Variants in TSHZ1 observed in about 807,000 individuals in gnomAD.
TSHZ1 encodes the protein teashirt zinc finger homeobox 1, also known as teashirt homolog 1.
A neutral mutation model predicts 67.1 loss-of-function variants in TSHZ1; 12 were observed. The ratio of observed to expected loss-of-function variants is 0.18; its 90% CI spans 0.11 to 0.29. The LOEUF is 0.29. Ranked by LOEUF, TSHZ1 falls within the 10% of genes least tolerant of loss-of-function variation. The pLI, the probability that TSHZ1 is intolerant of heterozygous loss-of-function variation, is 1.00. For synonymous variants in TSHZ1, 632 were observed against 622.4 expected, an observed-to-expected ratio of 1.02 and a Z score of -0.23; for missense variants, 1,305 against 1,413.9, an observed-to-expected ratio of 0.92 and a Z score of 1.23.
At chr18:75,231,964 A>G (rs978647786) in intron 1 of TSHZ1, among the ~76,000 whole-genome samples, 2 of 152,046 alleles carry the variant, frequency 1.3e-5, no homozygotes, top group Non-Finnish European at 2.9e-5. Context: ...GCTGGGGTTC[A>G]GTGGTGTGAA....
rs549565819 is a variant in TSHZ1, at chr18:75,247,687, T to C, written c.40+35771T>C. Among the ~76,000 whole-genome samples the C allele has an allele frequency of 3.3e-5, 5 of 152,264 alleles. No homozygotes were observed. The South Asian group carries it at 1.0e-3, about 32-fold the overall frequency. On this transcript the variant is annotated intron_variant, in intron 1 of 1. Coordinates refer to ENST00000580243, the MANE Select transcript of TSHZ1 (RefSeq NM_001308210.2). ...TAATTTTTCCAGTGTTCTCCGTATTTGGTATAATTAGAAGGGAGAGACGGA... is the reference window on the plus strand; with the variant it reads ...TAATTTTTCCAGTGTTCTCCGTATTCGGTATAATTAGAAGGGAGAGACGGA...
intron 1 of TSHZ1, among the ~76,000 whole-genome samples, chr18:75,230,292 G>A (rs186768531): frequency 1.0e-3 from 158 of 152,288 alleles, no homozygotes; most frequent in Non-Finnish European, 1.8e-3. Context: ...GCTCCTGTCC[G>A]TCCTGGAGTG....
chr18:75,271,588 C>T (rs1466422894), intron 1 of TSHZ1, among the ~76,000 whole-genome samples: 2 of 152,136 alleles, frequency 1.3e-5, no homozygotes, highest in Non-Finnish European at 2.9e-5. Flanking sequence ...GTGAGTTGTG[C>T]CCGTGCCTAT....
chr18:75,249,071 T>TG (rs2023259916), intron 1 of TSHZ1, among the ~76,000 whole-genome samples: 1 of 152,130 alleles, frequency 6.6e-6, no homozygotes, highest in Non-Finnish European at 1.5e-5. Flanking sequence ...CCTGGGCTAC[T>TG]GGGGGAAAGC....
At chr18:75,220,668 C>T (rs188408082) in intron 1 of TSHZ1, among the ~76,000 whole-genome samples, 60 of 152,232 alleles carry the variant, frequency 3.9e-4, no homozygotes, top group Non-Finnish European at 5.3e-4. Flanking sequence ...CTTCATATTT[C>T]CTAGGAAGGC....
intron 1 of TSHZ1, among the ~76,000 whole-genome samples, chr18:75,220,149 C>T (rs561981689): frequency 2.0e-5 from 3 of 152,258 alleles, no homozygotes; most frequent in South Asian, 2.1e-4. Context: ...CTTAGGCTTG[C>T]GGGCAAGGTC....
chr18:75,259,395 A>C (rs970246360), intron 1 of TSHZ1, among the ~76,000 whole-genome samples: 2 of 152,166 alleles, frequency 1.3e-5, no homozygotes, highest in Non-Finnish European at 2.9e-5. Flanking sequence ...TAAATGCATA[A>C]GTTTTAAGTT....
chr18:75,252,911 A>C (rs6566065), intron 1 of TSHZ1, among the ~76,000 whole-genome samples: 90,309 of 151,936 alleles, frequency 0.59, 26,920 homozygotes, highest in South Asian at 0.7. Flanking sequence ...TTTTCAATGA[A>C]TACTTTTTTC....
At chr18:75,249,230 A>G (rs998290489) in intron 1 of TSHZ1, among the ~76,000 whole-genome samples, 2 of 151,598 alleles carry the variant, frequency 1.3e-5, no homozygotes, top group Admixed American at 6.6e-5. Flanking sequence ...TCTTCCTGCA[A>G]CTCCTCTGGT....
intron 1 of TSHZ1, among the ~76,000 whole-genome samples, chr18:75,282,241 G>A (rs2023696285): frequency 6.6e-6 from 1 of 152,186 alleles, no homozygotes; most frequent in Non-Finnish European, 1.5e-5. Flanking sequence ...CCTGCTGGGA[G>A]CATGAGGGTG....
intron 1 of TSHZ1, 92 bp downstream of exon 1, chr18:75,212,008 C>T: frequency 1.9e-6 from 2 of 1,025,740 alleles, no homozygotes; most frequent in African/African-American, 1.7e-5. Context: ...ACGTGGGCCG[C>T]GGGCCGCCCC....
intron 1 of TSHZ1, among the ~76,000 whole-genome samples, chr18:75,216,055 TTAGGCGCCGCCTGC>T (rs1284642862): frequency 1.3e-5 from 2 of 152,208 alleles, no homozygotes; most frequent in Non-Finnish European, 1.5e-5. Context: ...ACTAAGAGAT[TTAGGCGCCGCCTGC>T]GTATGCTTTC....
chr18:75,242,344 G>A (rs575502397), intron 1 of TSHZ1, among the ~76,000 whole-genome samples: 1 of 152,304 alleles, frequency 6.6e-6, no homozygotes, highest in African/African-American at 2.4e-5. Context: ...TCCCAGCAGG[G>A]AGTCATCGCA....
rs1427752541 is a variant in TSHZ1, at chr18:75,289,173, A to G, written c.*532A>G. 7 of 167,162 alleles carry G rather than the reference A, an allele frequency of 4.2e-5. No individual in the cohort carries two copies. Among genetic ancestry groups the G allele is most frequent in the South Asian group, 2.1e-4 (1 of 4,828 alleles). The allele number at this position is 167,162 out of a possible 1,614,324, so 10.4% of individuals were successfully genotyped here. A position where few individuals can be genotyped will look rare whatever the true frequency, so the allele number is the denominator to read the frequency against. On this transcript the variant is annotated 3_prime_UTR_variant, in exon 2 of 2. Transcript: ENST00000580243. ...TAATAATTAAAAAATGAGCTTTTAT[A>G]TGCAGAACTGGTTTGTGAGGAAACA...
Position 75,241,284 on chromosome 18 carries a change from G to A in TSHZ1, c.40+29368G>A, listed in dbSNP as rs1049887265. On this transcript the variant is annotated intron_variant, in intron 1 of 1. Transcript: ENST00000580243. ...GCTCCTGCAGTCCCGGCATGTTTCT[G>A]GGATTAGAAGAGCTATGCTATCTCT... Among the ~76,000 whole-genome samples, 5 of 152,202 alleles carry A rather than the reference G, an allele frequency of 3.3e-5. No individual in the cohort carries two copies. The East Asian group carries it at 9.7e-4, about 29-fold the overall frequency.
intron 1 of TSHZ1, among the ~76,000 whole-genome samples, chr18:75,280,036 A>C (rs2023665733): frequency 6.6e-6 from 1 of 152,246 alleles, no homozygotes; most frequent in Non-Finnish European, 1.5e-5. Context: ...ACACTGTAAC[A>C]TTCTTTGAAA....
intron 1 of TSHZ1, among the ~76,000 whole-genome samples, chr18:75,239,999 C>T (rs1416955496): frequency 6.6e-6 from 1 of 152,114 alleles, no homozygotes; most frequent in Non-Finnish European, 1.5e-5. Context: ...CCCTGCTTTT[C>T]TTTGTTGAAT....
chr18:75,251,694 CT>C (rs1299915133), intron 1 of TSHZ1, among the ~76,000 whole-genome samples: 1 of 152,084 alleles, frequency 6.6e-6, no homozygotes, highest in Admixed American at 6.5e-5. Context: ...GCTTGCATTT[CT>C]TGGATTACAC....
chr18:75,254,131 GA>G (rs1389662385), intron 1 of TSHZ1, among the ~76,000 whole-genome samples: 2 of 152,114 alleles, frequency 1.3e-5, no homozygotes, highest in East Asian at 3.9e-4. Context: ...TTTTAAAAAT[GA>G]AAATTAAATC....
Sources: allele counts gnomAD v4.1 joint callset (sites outside exome capture counted in the v4.1 genomes callset), GRCh38; gene constraint gnomAD v4.1.1; transcripts MANE v1.5; gene names NCBI Gene and HGNC (gene_info 2026-07-23, HGNC 2026-07-21).